Variants in CTBP2 observed in about 807,000 individuals in gnomAD.
CTBP2 encodes the protein C-terminal binding protein 2.
Under a neutral mutation model 80.3 loss-of-function variants are expected in CTBP2, and 30 were observed. The observed-to-expected ratio is 0.37, with a 90% CI of 0.28 to 0.51. The LOEUF (loss-of-function observed/expected upper bound fraction) is 0.51. Ranked by LOEUF, CTBP2 falls within the 20% of genes least tolerant of loss-of-function variation. The pLI is 0.93. For synonymous variants in CTBP2, 594 were observed against 587.4 expected, an observed-to-expected ratio of 1.01 and a Z score of -0.16; for missense variants, 1,212 against 1,375.3, an observed-to-expected ratio of 0.88 and a Z score of 1.88.
chr10:125,007,168 C>T (rs1481269309), intron 1 of CTBP2, among the ~76,000 whole-genome samples: 7 of 152,238 alleles, frequency 4.6e-5, no homozygotes, highest in African/African-American at 1.7e-4. Context: ...GGACACATCA[C>T]GGAAATGACA....
chr10:125,087,830 T>C (rs17152614), intron 2 of CTBP2, among the ~76,000 whole-genome samples: 27,853 of 152,220 alleles, frequency 0.18, 2,837 homozygotes, highest in African/African-American at 0.23. Flanking sequence ...TATGTGGCTT[T>C]ACAAATTTTC....
At position 125,116,544 on chromosome 10, in the gene CTBP2, G is replaced by C. The variant is rs112749452; in HGVS notation, c.-205-5451C>G. Reference sequence around the variant, plus strand: ...CAGAAGCCGAGCTGTATCAGAAGCCGAGCTAAAGCCACAGCCCTGGGGATC... The same window carrying C: ...CAGAAGCCGAGCTGTATCAGAAGCCCAGCTAAAGCCACAGCCCTGGGGATC... On this transcript the variant is annotated intron_variant, in intron 1 of 10. Transcript: ENST00000337195. Among the ~76,000 whole-genome samples, 1,040 of 152,218 alleles carry C rather than the reference G, an allele frequency of 6.8e-3. 12 individuals are homozygous for C. The highest frequency in any genetic ancestry group is 0.023 in the African/African-American group (940 of 41,526).
chr10:125,087,039 C>T (rs144819886), intron 2 of CTBP2, among the ~76,000 whole-genome samples: 3 of 151,740 alleles, frequency 2.0e-5, no homozygotes, highest in East Asian at 1.9e-4. Context: ...TCAGCCCTAA[C>T]TTCAACCTTG....
rs1565057768 is a variant in CTBP2 at position 125,003,299 on chromosome 10, A to G, written c.1833+39T>C. ...GGGGATGCTGGGGAGGAAACTGCCCAAGGTCAGTGCAGGCCCCGGCCGGGC... is the reference window on the plus strand; with the variant it reads ...GGGGATGCTGGGGAGGAAACTGCCCGAGGTCAGTGCAGGCCCCGGCCGGGC... On this transcript the variant is annotated intron_variant, in intron 2 of 8. Transcript: ENST00000309035. 3 of 1,597,658 alleles carry G rather than the reference A, an allele frequency of 1.9e-6. No individual in the cohort carries two copies. The African/African-American group carries it at 4.1e-5, about 22-fold the overall frequency.
intron 2 of CTBP2, among the ~76,000 whole-genome samples, chr10:125,080,185 T>C (rs1846961399): frequency 6.6e-6 from 1 of 152,166 alleles, no homozygotes; most frequent in South Asian, 2.1e-4. Context: ...GGGGCCCATA[T>C]TTTTTGGAGA....
chr10:125,031,821 C>A (rs964026914), upstream of CTBP2, among the ~76,000 whole-genome samples: 2 of 152,232 alleles, frequency 1.3e-5, no homozygotes, highest in East Asian at 3.8e-4. Flanking sequence ...TGGGCACCCA[C>A]GCAACGCGCC....
intron 2 of CTBP2, among the ~76,000 whole-genome samples, chr10:125,071,562 T>G (rs993967249): frequency 6.6e-6 from 1 of 152,158 alleles, no homozygotes; most frequent in Non-Finnish European, 1.5e-5. Context: ...AGTAAAAACT[T>G]ACAAGATGCA....
intron 2 of CTBP2, among the ~76,000 whole-genome samples, chr10:125,073,826 C>T (rs942711710): frequency 1.3e-5 from 2 of 152,278 alleles, no homozygotes; most frequent in South Asian, 2.1e-4. Context: ...CCGGACATGG[C>T]GACATATGAG....
At chr10:125,100,587 A>C (rs1262692270) in intron 2 of CTBP2, 1 of 152,262 alleles carries the variant, frequency 6.6e-6, no homozygotes, top group African/African-American at 2.4e-5. Context: ...CAACATTCTT[A>C]TGTGCTGAAA....
At chr10:125,151,295 C>T (rs957463919) in intron 1 of CTBP2, among the ~76,000 whole-genome samples, 1 of 152,148 alleles carries the variant, frequency 6.6e-6, no homozygotes, top group Non-Finnish European at 1.5e-5. Flanking sequence ...AGTCACATGC[C>T]TCGCCAGGCT....
At position 125,119,194 on chromosome 10, in the gene CTBP2, C is replaced by G. The variant is rs936827963; in HGVS notation, c.-205-8101G>C. 7.9e-5 allele frequency among the ~76,000 whole-genome samples: 12 copies of G among 152,214 alleles called. 1 individual carries two copies. Among genetic ancestry groups the G allele is most frequent in the Admixed American group, 1.3e-4 (2 of 15,286 alleles). ...CAGAGGGGTCTTCAGACATTCAGAG[C>G]ACACACCCATACCACAGCGAGAGAT... On this transcript the variant is annotated intron_variant, in intron 1 of 10. Transcript: ENST00000337195.
chr10:125,100,269 A>G (rs1309280872), intron 2 of CTBP2, among the ~76,000 whole-genome samples: 2 of 152,236 alleles, frequency 1.3e-5, no homozygotes, highest in Non-Finnish European at 2.9e-5. Context: ...ATGGTATTTG[A>G]TGATTGGCCA....
At chr10:125,118,832 C>T (rs536556390) in intron 1 of CTBP2, among the ~76,000 whole-genome samples, 37 of 152,352 alleles carry the variant, frequency 2.4e-4, no homozygotes, top group African/African-American at 8.4e-4. Flanking sequence ...GAAAACACAT[C>T]CCAACTCAGA....
chr10:125,110,484 A>G (rs1289755483), intron 2 of CTBP2, among the ~76,000 whole-genome samples: 1 of 152,140 alleles, frequency 6.6e-6, no homozygotes, highest in African/African-American at 2.4e-5. Context: ...CAGAAAAATC[A>G]TGGTATGTTC....
At chr10:125,045,183 G>A (rs182513374) in intron 2 of CTBP2, among the ~76,000 whole-genome samples, 2 of 151,982 alleles carry the variant, frequency 1.3e-5, no homozygotes, top group African/African-American at 4.8e-5. Flanking sequence ...GCTGCCCCAC[G>A]CGAGGATACA....
rs1951992747 is a variant in CTBP2 at position 124,984,644 on chromosome 10, C to T, written c.*4874G>A. ...TCACAAAACTTCCAAGAGGTCAAAA[C>T]CATGTGAAAAGTTGATTGCTTTGGC... On this transcript the variant is annotated 3_prime_UTR_variant, in exon 9 of 9. Transcript: ENST00000309035. 3 of 881,354 alleles carry T rather than the reference C, an allele frequency of 3.4e-6. No individual in the cohort carries two copies. Among genetic ancestry groups the T allele is most frequent in the East Asian group, 5.3e-5 (2 of 37,586 alleles). The allele number at this position is 881,354 out of a possible 1,614,324, so 54.6% of individuals were successfully genotyped here. A position where few individuals can be genotyped will look rare whatever the true frequency, so the allele number is the denominator to read the frequency against.
intron 2 of CTBP2, among the ~76,000 whole-genome samples, chr10:125,102,730 C>T (rs1279036361): frequency 6.6e-6 from 1 of 152,202 alleles, no homozygotes; most frequent in Non-Finnish European, 1.5e-5. Context: ...GTTACACATG[C>T]AGGAAACACC....
intron 4 of CTBP2, chr10:124,997,680 C>T (rs1457243176): frequency 2.0e-6 from 1 of 501,082 alleles, no homozygotes; most frequent in Non-Finnish European, 3.6e-6. Flanking sequence ...TTACTGGGCA[C>T]AGCGCCTTGC....
chr10:124,991,976 C>CT (rs1254623087), intron 8 of CTBP2, among the ~76,000 whole-genome samples: 2 of 151,570 alleles, frequency 1.3e-5, no homozygotes, highest in Middle Eastern at 3.2e-3. Context: ...GGGCTCCTGT[C>CT]TTTCCCCCAC....
Sources: allele counts gnomAD v4.1 joint callset (sites outside exome capture counted in the v4.1 genomes callset), GRCh38; gene constraint gnomAD v4.1.1; transcripts MANE v1.5; gene names NCBI Gene and HGNC (gene_info 2026-07-23, HGNC 2026-07-21).